Variants in DNMBP observed in about 807,000 individuals in gnomAD.
The protein encoded by DNMBP is dynamin binding protein.
DNMBP carries 87 observed loss-of-function variants against 150.0 expected under a neutral mutation model. The ratio of observed to expected loss-of-function variants is 0.58; its 90% CI spans 0.49 to 0.69. The LOEUF is 0.69. Among genes scored for constraint, DNMBP ranks in the 30% least tolerant of loss-of-function variants. The pLI is 0.00. For missense variants in DNMBP, 1,774 were observed against 1,949.0 expected (o/e 0.91, Z 1.69); for synonymous variants, 711 against 750.4 (o/e 0.95, Z 0.86).
chr10:99,933,731 G>GTTTTTGTT (rs924308340), intron 4 of DNMBP, among the ~76,000 whole-genome samples: 1 of 152,082 alleles, frequency 6.6e-6, no homozygotes, highest in Non-Finnish European at 1.5e-5. Context: ...ACTTGTTGTT[G>GTTTTTGTT]TTTTTGTTTT....
chr10:99,981,149 G>A (rs775280216), intron 1 of DNMBP, among the ~76,000 whole-genome samples: 2 of 152,070 alleles, frequency 1.3e-5, no homozygotes, highest in African/African-American at 2.4e-5. Flanking sequence ...GTCATAAAAC[G>A]TGAATGTGAA....
chr10:99,999,335 G>A (rs1447851011), intron 1 of DNMBP, among the ~76,000 whole-genome samples: 5 of 152,166 alleles, frequency 3.3e-5, no homozygotes, highest in Admixed American at 1.3e-4. Flanking sequence ...AGTTTCTTAC[G>A]ATCTGTACCT....
chr10:99,968,013 T>C (rs2040637222), intron 3 of DNMBP, among the ~76,000 whole-genome samples: 1 of 152,148 alleles, frequency 6.6e-6, no homozygotes, highest in Admixed American at 6.5e-5. Flanking sequence ...ATTTATATAT[T>C]TATGTATTAT....
At chr10:99,894,795 C>A in intron 11 of DNMBP, 151 bp downstream of exon 11, 2 of 597,012 alleles carry the variant, frequency 3.4e-6, no homozygotes, top group Middle Eastern at 5.4e-4. Flanking sequence ...TGTTAAATAA[C>A]CTACTGGCAT....
At position 99,956,043 on chromosome 10, in the gene DNMBP, A is replaced by G. The variant is rs754949947; in HGVS notation, c.1431T>C (p.Pro477=). Residue 477 remains proline, a synonymous_variant, in exon 4 of 17, where the codon CCT becomes CCC. Coordinates refer to ENST00000324109, the MANE Select transcript of DNMBP (RefSeq NM_015221.4). The part of the protein sequence containing the change: ...QLKTLQKPVL[P]LYRGSSVSAS... ...CTGAAACAGAAGAGCCCCTGTAAAG[A>G]GGGAGCACTGGCTTCTGAAGAGTTT... 1.2e-6 allele frequency: 2 copies of G among 1,614,190 alleles called. No individual in the cohort carries two copies. The highest frequency in any genetic ancestry group is 1.7e-6 in the Non-Finnish European group (2 of 1,180,024).
chr10:99,917,789 C>G (rs1238307350), intron 4 of DNMBP, among the ~76,000 whole-genome samples: 1 of 151,616 alleles, frequency 6.6e-6, no homozygotes, highest in Admixed American at 6.6e-5. Context: ...CATGGTGAAA[C>G]CCCGTCTCTA....
intron 1 of DNMBP, among the ~76,000 whole-genome samples, chr10:99,989,486 G>A (rs1048742427): frequency 4.6e-5 from 7 of 152,114 alleles, no homozygotes; most frequent in Admixed American, 3.3e-4. Context: ...TGAGGCAGGT[G>A]GATCATCTGA....
chr10:99,968,048 G>C (rs1303838924), intron 3 of DNMBP, among the ~76,000 whole-genome samples: 1 of 152,072 alleles, frequency 6.6e-6, no homozygotes. Flanking sequence ...GTCTCGCTCT[G>C]TCACCCAGGC....
At chr10:99,985,460 C>T (rs2040819099) in intron 1 of DNMBP, among the ~76,000 whole-genome samples, 1 of 152,110 alleles carries the variant, frequency 6.6e-6, no homozygotes, top group Non-Finnish European at 1.5e-5. Context: ...CAGGGTCTCG[C>T]TCAGCCACCC....
chr10:99,976,924 A>G (rs1564752107), intron 1 of DNMBP, among the ~76,000 whole-genome samples: 1 of 152,236 alleles, frequency 6.6e-6, no homozygotes, highest in Non-Finnish European at 1.5e-5. Flanking sequence ...GATTTCATCT[A>G]TCAGACTAGA....
intron 8 of DNMBP, 90 bp from the exon 9 acceptor site, chr10:99,898,375 T>TC: frequency 1.9e-6 from 2 of 1,040,958 alleles, no homozygotes; most frequent in East Asian, 2.5e-5. Flanking sequence ...TAAAAAAAAC[T>TC]TTTTTTTAAC....
At chr10:99,891,151 T>TCCCTCTCCCTCTCC (rs895741787) in intron 11 of DNMBP, among the ~76,000 whole-genome samples, 1 of 150,678 alleles carries the variant, frequency 6.6e-6, no homozygotes, top group Non-Finnish European at 1.5e-5. Flanking sequence ...GTACTAGAAC[T>TCCCTCTCCCTCTCC]CCCTCTCCCT....
chr10:100,006,943 G>C (rs142779320), intron 1 of DNMBP, among the ~76,000 whole-genome samples: 4 of 152,022 alleles, frequency 2.6e-5, no homozygotes, highest in African/African-American at 4.8e-5. Flanking sequence ...GTGAAACCCC[G>C]CGTCTACTAA....
intron 1 of DNMBP, among the ~76,000 whole-genome samples, chr10:99,991,905 CAAAA>C (rs71009797): frequency 9.5e-6 from 1 of 105,044 alleles, no homozygotes; most frequent in Non-Finnish European, 2.0e-5. Flanking sequence ...GACTCCACCT[CAAAA>C]AAAAAAAAAA....
chr10:99,896,552 T>C (rs1463946602), intron 9 of DNMBP, 155 bp from the exon 10 acceptor site: 2 of 740,728 alleles, frequency 2.7e-6, no homozygotes, highest in South Asian at 3.5e-5. Flanking sequence ...ACAGACATGA[T>C]ATCTGAAGCA....
chr10:99,929,868 G>C (rs2040127943), intron 4 of DNMBP: 5 of 702,860 alleles, frequency 7.1e-6, no homozygotes, highest in Non-Finnish European at 1.0e-5. Context: ...TGGTATGTCA[G>C]TGCCATTATA....
At chr10:99,902,452 G>T (rs1353320296) in intron 6 of DNMBP, among the ~76,000 whole-genome samples, 2 of 150,452 alleles carry the variant, frequency 1.3e-5, no homozygotes, top group Non-Finnish European at 1.5e-5. Context: ...TGGGATCACA[G>T]GCATGCGCCA....
intron 1 of DNMBP, among the ~76,000 whole-genome samples, chr10:99,974,825 A>T (rs1388419541): frequency 6.6e-6 from 1 of 152,226 alleles, no homozygotes; most frequent in Non-Finnish European, 1.5e-5. Flanking sequence ...CCCAGGCTGG[A>T]GAGCAGTGGC....
rs61751504 is a variant in DNMBP, at chr10:99,899,971, C to T, written c.2650G>A (p.Glu884Lys). Residue 884 changes from glutamate to lysine, a missense_variant, in exon 7 of 17, where the codon GAG becomes AAG. By Grantham distance (56) the Glu-to-Lys change is moderately conservative (BLOSUM62 1). Coordinates refer to ENST00000324109, the MANE Select transcript of DNMBP (RefSeq NM_015221.4). ...TGCTTCTGGATCTTCTCATCCTTCT[C>T]GTAGATTTCAAGCAGCGCAATGGCC... ...DEAIALLEIY[E>K]KDEKIQKHLQ... 8.1e-6 allele frequency: 13 copies of T among 1,614,104 alleles called. No individual in the cohort carries two copies. Among genetic ancestry groups the T allele is most frequent in the African/African-American group, 5.3e-5 (4 of 75,020 alleles).
Sources: allele counts gnomAD v4.1 joint callset (sites outside exome capture counted in the v4.1 genomes callset), GRCh38; gene constraint gnomAD v4.1.1; transcripts MANE v1.5; gene names NCBI Gene and HGNC (gene_info 2026-07-23, HGNC 2026-07-21).